GLDC: variants seen among roughly 807,000 people sequenced by gnomAD.
GLDC encodes glycine dehydrogenase (decarboxylating), mitochondrial.
A neutral mutation model predicts 121.3 loss-of-function variants in GLDC; 104 were observed. The observed-to-expected ratio is 0.86, with a 90% CI of 0.73 to 1.01. The LOEUF (loss-of-function observed/expected upper bound fraction) is 1.01, where lower values mean the gene tolerates loss of function less well. Among genes scored for constraint, GLDC ranks in the 50% least tolerant of loss-of-function variants. The pLI is 0.00. For missense variants in GLDC, 1,429 were observed against 1,306.6 expected (o/e 1.09, Z -1.44); for synonymous variants, 546 against 480.6 (o/e 1.14, Z -1.78).
chr9:6,563,508 C>T (rs1234585136), intron 16 of GLDC, among the ~76,000 whole-genome samples: 4 of 152,158 alleles, frequency 2.6e-5, no homozygotes, highest in East Asian at 1.9e-4. Context: ...ACTCCAGAGA[C>T]GACCTCAGAA....
chr9:6,639,668 A>AAAAATATAT, intron 2 of GLDC: 3 of 250,592 alleles, frequency 1.2e-5, no homozygotes, highest in South Asian at 9.6e-5. Flanking sequence ...ATAAAAAAAA[A>AAAAATATAT]GTATATATAT....
chr9:6,564,709 A>G (rs1377995670), intron 16 of GLDC, among the ~76,000 whole-genome samples: 1 of 152,214 alleles, frequency 6.6e-6, no homozygotes, highest in Non-Finnish European at 1.5e-5. Context: ...GAGTTAGGCC[A>G]CTGCTACAGG....
At chr9:6,579,495 G>C (rs1563845375) in intron 15 of GLDC, among the ~76,000 whole-genome samples, 2 of 151,476 alleles carry the variant, frequency 1.3e-5, no homozygotes, top group African/African-American at 4.9e-5. Flanking sequence ...TTGTTTTCAA[G>C]AGTATCCCAT....
intron 2 of GLDC, among the ~76,000 whole-genome samples, chr9:6,640,624 T>C (rs1819610738): frequency 1.3e-5 from 2 of 152,236 alleles, no homozygotes; most frequent in Non-Finnish European, 2.9e-5. Context: ...AATGTGAACA[T>C]TGGAGGGTTT....
chr9:6,551,871 A>G (rs1817522491), intron 20 of GLDC, among the ~76,000 whole-genome samples: 1 of 152,184 alleles, frequency 6.6e-6, no homozygotes, highest in Admixed American at 6.5e-5. Flanking sequence ...AAGGACTTCG[A>G]CTTTGTCCAG....
At chr9:6,644,482 C>G in intron 2 of GLDC, 132 bp downstream of exon 2, 1 of 713,586 alleles carries the variant, frequency 1.4e-6, no homozygotes, top group East Asian at 2.7e-5. Flanking sequence ...GAGGTACCCG[C>G]CACTGTTTTA....
At chr9:6,597,624 G>C (rs1270255827) in intron 8 of GLDC, among the ~76,000 whole-genome samples, 1 of 152,118 alleles carries the variant, frequency 6.6e-6, no homozygotes, top group African/African-American at 2.4e-5. Context: ...GCTGCTCATT[G>C]TGGTAGAAGC....
At chr9:6,543,112 C>A (rs995835270) in intron 21 of GLDC, among the ~76,000 whole-genome samples, 6 of 151,520 alleles carry the variant, frequency 4.0e-5, no homozygotes, top group African/African-American at 1.5e-4. Context: ...CCCTATCCTA[C>A]AAAATATTTA....
In GLDC at chr9:6,638,404, G is replaced by C. The variant is rs190002620; in HGVS notation, c.334+6210C>G. Among the ~76,000 whole-genome samples the C allele has an allele frequency of 2.3e-4, 35 of 151,822 alleles. 1 individual carries two copies. The highest frequency in any genetic ancestry group is 7.9e-4 in the Admixed American group (12 of 15,242). ...TAATTTCTGTATTTTTAGTAGAGAC[G>C]GGGATTCACCATGTTGGTCAGGCTG... On this transcript the variant is annotated intron_variant, in intron 2 of 24. Coordinates refer to ENST00000321612, the MANE Select transcript of GLDC (RefSeq NM_000170.3).
intron 2 of GLDC, among the ~76,000 whole-genome samples, chr9:6,622,506 G>A (rs1187150723): frequency 6.6e-6 from 1 of 152,146 alleles, no homozygotes; most frequent in Non-Finnish European, 1.5e-5. Context: ...GGCCTCCCGA[G>A]GTGCCGGGAT....
intron 19 of GLDC, 137 bp from the exon 20 acceptor site, chr9:6,553,646 G>A (rs978138067): frequency 2.5e-6 from 2 of 801,256 alleles, no homozygotes; most frequent in East Asian, 2.6e-5. Context: ...CACCTGCTGG[G>A]AGGCAGATGT....
chr9:6,594,939 A>T, intron 9 of GLDC, 75 bp downstream of exon 9: 1 of 875,318 alleles, frequency 1.1e-6, no homozygotes. Flanking sequence ...AGTATTGGAC[A>T]TGCAATATTT....
chr9:6,611,572 T>C (rs1818858688), intron 3 of GLDC, among the ~76,000 whole-genome samples: 1 of 145,524 alleles, frequency 6.9e-6, no homozygotes, highest in Non-Finnish European at 1.5e-5. Context: ...AAAAAAAAAA[T>C]TAGTACATCA....
At chr9:6,609,564 G>C (rs1423472515) in intron 4 of GLDC, among the ~76,000 whole-genome samples, 1 of 152,060 alleles carries the variant, frequency 6.6e-6, no homozygotes, top group Admixed American at 6.6e-5. Flanking sequence ...AGTCATGTGT[G>C]TGTGTTATGG....
At chr9:6,607,253 G>A (rs1818753773) in intron 4 of GLDC, among the ~76,000 whole-genome samples, 1 of 151,912 alleles carries the variant, frequency 6.6e-6, no homozygotes, top group Admixed American at 6.6e-5. Flanking sequence ...ATACCATGAG[G>A]AAAAAGAAAA....
At chr9:6,642,439 G>C in intron 2 of GLDC, among the ~76,000 whole-genome samples, 1 of 152,198 alleles carries the variant, frequency 6.6e-6, no homozygotes, top group Non-Finnish European at 1.5e-5. Context: ...GCTGAGGCAG[G>C]AGAATGGCTT....
intron 16 of GLDC, among the ~76,000 whole-genome samples, chr9:6,561,142 G>A (rs1384635731): frequency 6.6e-6 from 1 of 152,178 alleles, no homozygotes; most frequent in Non-Finnish European, 1.5e-5. Flanking sequence ...GAAAATTAAT[G>A]TGTGTTGTTT....
At chr9:6,534,645 C>G in intron 24 of GLDC, 63 bp downstream of exon 24, 3 of 826,588 alleles carry the variant, frequency 3.6e-6, no homozygotes, top group Non-Finnish European at 6.4e-6. Context: ...AGAGCGTACA[C>G]CCGTCAGGAT....
At chr9:6,609,190 A>G (rs1416541222) in intron 4 of GLDC, among the ~76,000 whole-genome samples, 1 of 152,258 alleles carries the variant, frequency 6.6e-6, no homozygotes, top group African/African-American at 2.4e-5. Flanking sequence ...TAAGGGAAGC[A>G]GAAGAAATGG....
Sources: gnomAD v4.1 joint callset for allele counts (sites outside exome capture counted in the v4.1 genomes callset) on GRCh38, gnomAD v4.1.1 for gene constraint, MANE v1.5 for transcripts, NCBI Gene and HGNC (gene_info 2026-07-23, HGNC 2026-07-21) for gene names.